Variants in DOCK8 observed in about 807,000 individuals in gnomAD.
DOCK8 encodes dedicator of cytokinesis 8, also known as dedicator of cytokinesis protein 8.
Under a neutral mutation model 245.6 loss-of-function variants are expected in DOCK8, and 141 were observed. That is an observed-to-expected ratio of 0.57 (90% CI 0.50 to 0.66). DOCK8 has a LOEUF of 0.66. DOCK8 is among the 30% of genes least tolerant of loss of function. The pLI, the probability that DOCK8 is intolerant of heterozygous loss-of-function variation, is 0.00. For synonymous variants in DOCK8, 1,168 were observed against 970.2 expected (o/e 1.20, Z -3.79); for missense variants, 2,965 against 2,603.4 (o/e 1.14, Z -3.02).
intron 39 of DOCK8, 34 bp downstream of exon 39, chr9:435,009 G>A (rs1250814745): frequency 6.2e-7 from 1 of 1,608,412 alleles, no homozygotes; most frequent in Non-Finnish European, 8.5e-7. Flanking sequence ...TTAGAGCAGT[G>A]GTTCTCAACT....
At chr9:411,563 C>G (rs961075075) in intron 28 of DOCK8, among the ~76,000 whole-genome samples, 1 of 152,060 alleles carries the variant, frequency 6.6e-6, no homozygotes, top group African/African-American at 2.4e-5. Context: ...TCTCTTCCAA[C>G]GAATGGAAGA....
chr9:347,548 G>A (rs1405204632), intron 14 of DOCK8, among the ~76,000 whole-genome samples: 7 of 152,118 alleles, frequency 4.6e-5, no homozygotes, highest in African/African-American at 1.2e-4. Flanking sequence ...CAGATGATGC[G>A]GAAGCCCAGT....
intron 4 of DOCK8, among the ~76,000 whole-genome samples, chr9:302,437 T>C (rs1400753339): frequency 6.6e-6 from 1 of 152,210 alleles, no homozygotes; most frequent in East Asian, 1.9e-4. Context: ...GCCATTGGCC[T>C]TGGTAAAGAA....
intron 5 of DOCK8, among the ~76,000 whole-genome samples, chr9:309,442 C>T (rs936386953): frequency 6.6e-6 from 1 of 152,046 alleles, no homozygotes; most frequent in African/African-American, 2.4e-5. Flanking sequence ...TTGAGAATAA[C>T]ATTTTGCCAT....
At chr9:248,135 C>T (rs7023993) in intron 1 of DOCK8, among the ~76,000 whole-genome samples, 48,600 of 151,818 alleles carry the variant, frequency 0.32, 8,026 homozygotes, top group Non-Finnish European at 0.36. Context: ...AGGTGGCTTT[C>T]CGTGAACAGC....
At chr9:354,159 C>G (rs192241319) in intron 14 of DOCK8, among the ~76,000 whole-genome samples, 303 of 152,250 alleles carry the variant, frequency 2.0e-3, no homozygotes, top group Non-Finnish European at 3.3e-3. Flanking sequence ...TGGCAAAACC[C>G]TGTCTTTACT....
At chr9:258,806 C>T (rs188429358) in intron 1 of DOCK8, among the ~76,000 whole-genome samples, 1 of 152,068 alleles carries the variant, frequency 6.6e-6, no homozygotes, top group East Asian at 1.9e-4. Context: ...CCACGTTGGC[C>T]AGGCTGGTCT....
At chr9:297,634 A>C (rs2049320882) in intron 4 of DOCK8, among the ~76,000 whole-genome samples, 1 of 152,186 alleles carries the variant, frequency 6.6e-6, no homozygotes, top group Non-Finnish European at 1.5e-5. Context: ...GCAGTGAGCC[A>C]GCAGTCTCAC....
intron 15 of DOCK8, chr9:369,966 TA>T (rs2053209164): frequency 1.2e-5 from 6 of 488,192 alleles, no homozygotes; most frequent in South Asian, 8.2e-5. Flanking sequence ...CACGCCTGGC[TA>T]ATTTTTGTAT....
At chr9:214,484 T>TAGG (rs1187432847), upstream of DOCK8, 1 of 1,607,064 alleles carries the variant, frequency 6.2e-7, no homozygotes, top group Admixed American at 1.7e-5. Flanking sequence ...TCGAGAATGG[T>TAGG]GTCAACCCTT....
chr9:235,744 C>T (rs1220858500), intron 1 of DOCK8, among the ~76,000 whole-genome samples: 1 of 152,128 alleles, frequency 6.6e-6, no homozygotes, highest in Non-Finnish European at 1.5e-5. Flanking sequence ...TTTTTTAAGC[C>T]CGTTGGAAAA....
Position 291,128 on chromosome 9 carries a change from A to C in DOCK8, c.404+1547A>C, listed in dbSNP as rs567722178. Among the ~76,000 whole-genome samples the C allele has an allele frequency of 4.6e-5, 7 of 152,338 alleles. No homozygotes were observed. The South Asian group carries it at 1.4e-3, about 32-fold the overall frequency. On this transcript the variant is annotated intron_variant, in intron 4 of 47. Coordinates refer to ENST00000432829, the MANE Select transcript of DOCK8 (RefSeq NM_203447.4). ...CTATCATTAGAGGTACTTTCTGGAC[A>C]TTAAAGATCTAAAAAAAATCTGAGA...
At position 397,689 on chromosome 9, in the gene DOCK8, A is replaced by G. The variant is rs943370522; in HGVS notation, c.3120+755A>G. ...TGGGTGACAGAGTGAGACTCCATCT[A>G]AAAGAAAAATGTAGATATGAAAGAT... On this transcript the variant is annotated intron_variant, in intron 25 of 47. Coordinates refer to ENST00000432829, the MANE Select transcript of DOCK8 (RefSeq NM_203447.4). Among the ~76,000 whole-genome samples the G allele has an allele frequency of 5.9e-5, 9 of 152,276 alleles. No individual in the cohort carries two copies. In the South Asian group the frequency reaches 8.3e-4, roughly 14 times the overall value.
At chr9:344,179 A>C (rs1267760336) in intron 14 of DOCK8, among the ~76,000 whole-genome samples, 1 of 152,184 alleles carries the variant, frequency 6.6e-6, no homozygotes, top group Non-Finnish European at 1.5e-5. Context: ...GGAATGACAG[A>C]AGAGATTTCT....
intron 1 of DOCK8, among the ~76,000 whole-genome samples, chr9:266,730 C>G (rs1182723145): frequency 6.6e-6 from 1 of 152,168 alleles, no homozygotes; most frequent in African/African-American, 2.4e-5. Context: ...CATTCTGACT[C>G]CTTAGTCACA....
intron 20 of DOCK8, among the ~76,000 whole-genome samples, chr9:378,833 G>T (rs2053622042): frequency 1.3e-5 from 2 of 152,216 alleles, no homozygotes; most frequent in Admixed American, 6.5e-5. Context: ...GCACAGTGGG[G>T]GCACAAAAGA....
chr9:357,304 T>C (rs1265027811), intron 14 of DOCK8, among the ~76,000 whole-genome samples: 1 of 152,198 alleles, frequency 6.6e-6, no homozygotes, highest in Non-Finnish European at 1.5e-5. Flanking sequence ...GATCAATTAG[T>C]AGTAATAAGA....
chr9:256,802 C>T (rs1460329961), intron 1 of DOCK8, among the ~76,000 whole-genome samples: 1 of 149,510 alleles, frequency 6.7e-6, no homozygotes, highest in African/African-American at 2.6e-5. Flanking sequence ...ATAGAAGCTT[C>T]ATGAGGGCAG....
At chr9:260,797 A>G (rs183531850) in intron 1 of DOCK8, among the ~76,000 whole-genome samples, 1 of 152,352 alleles carries the variant, frequency 6.6e-6, no homozygotes, top group East Asian at 1.9e-4. Context: ...CAAAATGAAG[A>G]TCACCAGCAA....
Sources: allele counts gnomAD v4.1 joint callset (sites outside exome capture counted in the v4.1 genomes callset), GRCh38; gene constraint gnomAD v4.1.1; transcripts MANE v1.5; gene names NCBI Gene and HGNC (gene_info 2026-07-23, HGNC 2026-07-21).